The following DTD1 variants were observed in gnomAD, a reference collection of about 807,000 sequenced individuals.
DTD1 encodes D-aminoacyl-tRNA deacylase 1, also known as D-tyrosyl-tRNA deacylase 1 homolog.
In DTD1, 13 loss-of-function variants were observed where a neutral mutation model predicts 25.6. The observed-to-expected ratio is 0.51, with a 90% CI of 0.33 to 0.81. The LOEUF is 0.81. Ranked by LOEUF, DTD1 falls within the 30% of genes least tolerant of loss-of-function variation. The probability of loss-of-function intolerance (pLI) is 0.02; values close to 1 mark genes in which losing one functional copy is unlikely to be tolerated. For synonymous variants in DTD1, 110 were observed against 103.6 expected, an observed-to-expected ratio of 1.06 and a Z score of -0.37; for missense variants, 193 against 266.4, an observed-to-expected ratio of 0.72 and a Z score of 1.92.
chr20:18,668,473 T>C (rs2122384897), intron 4 of DTD1, among the ~76,000 whole-genome samples: 1 of 152,284 alleles, frequency 6.6e-6, no homozygotes, highest in South Asian at 2.1e-4. Context: ...ATCCTGCCAC[T>C]GTTAGGGGTG....
intron 3 of DTD1, among the ~76,000 whole-genome samples, chr20:18,608,577 ATTTAGTGC>A (rs904567010): frequency 6.6e-6 from 1 of 152,198 alleles, no homozygotes; most frequent in Non-Finnish European, 1.5e-5. Context: ...TAATAAACAC[ATTTAGTGC>A]TATAAGTTTC....
intron 4 of DTD1, among the ~76,000 whole-genome samples, chr20:18,639,806 A>G (rs1486071919): frequency 6.6e-6 from 1 of 152,106 alleles, no homozygotes; most frequent in African/African-American, 2.4e-5. Flanking sequence ...GAAAGATCTG[A>G]GTTTGTGGCC....
chr20:18,612,861 G>A (rs1437073759), intron 3 of DTD1, among the ~76,000 whole-genome samples: 1 of 152,088 alleles, frequency 6.6e-6, no homozygotes, highest in East Asian at 1.9e-4. Context: ...GTTTCACCAT[G>A]TTGGCCAGGT....
chr20:18,662,444 T>C (rs770529544), intron 4 of DTD1, among the ~76,000 whole-genome samples: 9 of 152,222 alleles, frequency 5.9e-5, no homozygotes, highest in Admixed American at 2.6e-4. Flanking sequence ...AGAGTATTTT[T>C]GGAAAGCAGT....
At chr20:18,761,890 A>G (rs931190592) in intron 5 of DTD1, among the ~76,000 whole-genome samples, 8 of 152,238 alleles carry the variant, frequency 5.3e-5, no homozygotes, top group East Asian at 1.9e-4. Context: ...ACTGAAAGTA[A>G]TATGGTCCCC....
chr20:18,708,205 ATT>A (rs372126404), intron 4 of DTD1, among the ~76,000 whole-genome samples: 26,965 of 53,012 alleles, frequency 0.51, 6,974 homozygotes, highest in Non-Finnish European at 0.59. Flanking sequence ...TTATATATAT[ATT>A]TTATATATAT....
chr20:18,753,693 A>C (rs941066887), intron 5 of DTD1, among the ~76,000 whole-genome samples: 5 of 152,032 alleles, frequency 3.3e-5, no homozygotes, highest in African/African-American at 1.2e-4. Context: ...AAGCCAAAAA[A>C]TAAAAGCCAA....
intron 4 of DTD1, among the ~76,000 whole-genome samples, chr20:18,636,909 T>C (rs966589342): frequency 2.0e-5 from 3 of 152,294 alleles, no homozygotes; most frequent in Non-Finnish European, 2.9e-5. Flanking sequence ...AAGCCACCCA[T>C]GGTGCTTACT....
At chr20:18,641,517 G>A (rs2060828096) in intron 4 of DTD1, among the ~76,000 whole-genome samples, 1 of 152,024 alleles carries the variant, frequency 6.6e-6, no homozygotes, top group African/African-American at 2.4e-5. Context: ...TTTTGTATGT[G>A]TGTTTGTGTG....
At chr20:18,741,393 C>G (rs1490786086) in intron 4 of DTD1, among the ~76,000 whole-genome samples, 1 of 152,206 alleles carries the variant, frequency 6.6e-6, no homozygotes, top group Non-Finnish European at 1.5e-5. Flanking sequence ...ACACGAGCAT[C>G]TTACTGTTGC....
At chr20:18,627,661 G>A (rs1044742542) in intron 3 of DTD1, among the ~76,000 whole-genome samples, 4 of 152,134 alleles carry the variant, frequency 2.6e-5, no homozygotes, top group African/African-American at 7.2e-5. Flanking sequence ...ACTGTGACCC[G>A]GGTTTTGGAT....
chr20:18,699,528 C>T lies in DTD1; in HGVS notation c.478-44572C>T, dbSNP rs77826028. ...GCCTTCAAGTTTCTGTCAGATCTCC[C>T]GCGTTGAGGCAAGTCATCTGTTAGA... On this transcript the variant is annotated intron_variant, in intron 4 of 5. Transcript: ENST00000377452. 3.5e-3 allele frequency among the ~76,000 whole-genome samples: 533 copies of T among 152,252 alleles called. 1 individual carries two copies. The highest frequency in any genetic ancestry group is 0.012 in the African/African-American group (484 of 41,540).
At chr20:18,750,593 G>A (rs902652584) in intron 5 of DTD1, among the ~76,000 whole-genome samples, 59 of 152,276 alleles carry the variant, frequency 3.9e-4, no homozygotes, top group African/African-American at 1.2e-3. Context: ...CATTTCCAGG[G>A]CCTTGACATT....
chr20:18,761,671 C>T (rs2061363440), intron 5 of DTD1, among the ~76,000 whole-genome samples: 1 of 152,148 alleles, frequency 6.6e-6, no homozygotes, highest in Non-Finnish European at 1.5e-5. Context: ...AACCAGGATT[C>T]CAAAGCTCAT....
intron 2 of DTD1, among the ~76,000 whole-genome samples, chr20:18,595,762 C>A (rs1005206123): frequency 3.3e-5 from 5 of 152,150 alleles, no homozygotes; most frequent in Non-Finnish European, 5.9e-5. Flanking sequence ...ACTGGAGCGA[C>A]TGGCAAAAAA....
intron 4 of DTD1, among the ~76,000 whole-genome samples, chr20:18,689,939 C>CAGT (rs1555800757): frequency 6.6e-5 from 10 of 150,802 alleles, no homozygotes; most frequent in Non-Finnish European, 8.9e-5. Context: ...GAGTTAAAGA[C>CAGT]CAGCCTGGGG....
chr20:18,746,245 T>G (rs2061299679), intron 5 of DTD1, among the ~76,000 whole-genome samples: 1 of 152,150 alleles, frequency 6.6e-6, no homozygotes, highest in Admixed American at 6.5e-5. Flanking sequence ...AGACTGTGGT[T>G]AAAACCAAGT....
intron 3 of DTD1, among the ~76,000 whole-genome samples, chr20:18,614,013 C>T (rs934211994): frequency 1.1e-4 from 16 of 152,126 alleles, no homozygotes; most frequent in Non-Finnish European, 2.2e-4. Flanking sequence ...GCCATGTTGC[C>T]CAGGCTGGTC....
At chr20:18,618,711 A>ACACACG (rs2060719993) in intron 3 of DTD1, among the ~76,000 whole-genome samples, 1 of 147,794 alleles carries the variant, frequency 6.8e-6, no homozygotes, top group African/African-American at 2.5e-5. Context: ...ACACACACAC[A>ACACACG]CATATAATTT....
Sources: gnomAD v4.1 joint callset for allele counts (sites outside exome capture counted in the v4.1 genomes callset) on GRCh38, gnomAD v4.1.1 for gene constraint, MANE v1.5 for transcripts, NCBI Gene and HGNC (gene_info 2026-07-23, HGNC 2026-07-21) for gene names.